Variants in KNDC1 observed in about 807,000 individuals in gnomAD.
The protein encoded by KNDC1 is kinase non-catalytic C-lobe domain-containing protein 1.
Under a neutral mutation model 172.8 loss-of-function variants are expected in KNDC1, and 106 were observed. The observed-to-expected ratio is 0.61, with a 90% CI of 0.52 to 0.72. KNDC1 has a LOEUF of 0.72. Among genes scored for constraint, KNDC1 ranks in the 30% least tolerant of loss-of-function variants. The pLI, the probability that KNDC1 is intolerant of heterozygous loss-of-function variation, is 0.00. For synonymous variants in KNDC1, 1,083 were observed against 1,062.2 expected (o/e 1.02, Z -0.38); for missense variants, 2,325 against 2,394.5 (o/e 0.97, Z 0.61).
chr10:133,207,531 G>A (rs1242453381), intron 20 of KNDC1, among the ~76,000 whole-genome samples, 180 bp downstream of exon 20: 1 of 152,262 alleles, frequency 6.6e-6, no homozygotes, highest in Non-Finnish European at 1.5e-5. Flanking sequence ...GCAGAGCCCT[G>A]GCCAGAGTGG....
At chr10:133,208,977 A>G (rs1010193434) in intron 20 of KNDC1, among the ~76,000 whole-genome samples, 23 of 151,030 alleles carry the variant, frequency 1.5e-4, no homozygotes, top group African/African-American at 5.4e-4. Flanking sequence ...ATAATGTGAC[A>G]TGTGTGCACG....
intron 26 of KNDC1, among the ~76,000 whole-genome samples, chr10:133,215,217 C>G (rs1282857780): frequency 2.0e-5 from 3 of 152,230 alleles, no homozygotes; most frequent in African/African-American, 7.2e-5. Flanking sequence ...CGAACCCCAT[C>G]ACTGCCGTCC....
At chr10:133,184,960 G>A (rs917228916) in intron 5 of KNDC1, among the ~76,000 whole-genome samples, 1 of 152,274 alleles carries the variant, frequency 6.6e-6, no homozygotes, top group Non-Finnish European at 1.5e-5. Flanking sequence ...TGTGGCTCAC[G>A]CATATTCTGG....
In KNDC1 at chr10:133,212,583, T is replaced by TCTGG. The variant is rs2136023457; in HGVS notation, c.4237-128_4237-125dup. On this transcript the variant is annotated intron_variant, in intron 23 of 29. Transcript: ENST00000304613. ...GCGGGTGGGCAGGCTGCTCTCTGGCTCTGGCTGGGCCAGTCTGAGGAGTAC... is the reference window on the plus strand; with the variant it reads ...GCGGGTGGGCAGGCTGCTCTCTGGCTCTGGCTGGCTGGGCCAGTCTGAGGAGTAC... 3 of 712,450 alleles carry TCTGG rather than the reference T, an allele frequency of 4.2e-6. No homozygotes were observed. In the South Asian group the frequency reaches 5.7e-5, roughly 13 times the overall value. 44.1% of individuals were successfully genotyped at this position (712,450 alleles called of 1,614,324 possible).
At position 133,201,734 on chromosome 10, in the gene KNDC1, G is replaced by T. The variant is rs372193402; in HGVS notation, c.3223G>T (p.Val1075Phe). 5.7e-5 allele frequency: 92 copies of T among 1,600,794 alleles called. No homozygotes were observed. Among genetic ancestry groups the T allele is most frequent in the Non-Finnish European group, 7.3e-5 (86 of 1,173,996 alleles). Reference sequence around the variant, plus strand: ...GACCCGACTGGCCAGGTCCAAAGGGGTCGGCCCAGCCTTGTCCCCCGGCCC... The same window carrying T: ...GACCCGACTGGCCAGGTCCAAAGGGTTCGGCCCAGCCTTGTCCCCCGGCCC... Reference protein sequence around the residue: ...AVTRLARSKGVGPALSPGPAG... With the variant: ...AVTRLARSKGFGPALSPGPAG... The change falls in exon 17 of 30, where the codon GTC becomes TTC. Residue 1075 changes from valine to phenylalanine, a missense_variant. By Grantham distance (50) the Val-to-Phe change is conservative (BLOSUM62 -1). Transcript: ENST00000304613.
chr10:133,169,723 GT>G (rs902221505), intron 3 of KNDC1, among the ~76,000 whole-genome samples: 83 of 151,938 alleles, frequency 5.5e-4, no homozygotes, highest in Non-Finnish European at 5.0e-4. Flanking sequence ...GCTGTGGCCT[GT>G]GGCTGTGAAC....
At position 133,183,912 on chromosome 10, in the gene KNDC1, C is replaced by T. The variant is rs573764590; in HGVS notation, c.548C>T (p.Ser183Phe). ...ALCEEKLQLTSSCRVCRSLSA... is the reference protein window; with the variant it reads ...ALCEEKLQLTFSCRVCRSLSA... ...TGTGAAGAGAAGCTGCAGCTCACAT[C>T]CTCCTGTCGCGTGTGCCGGAGCCTC... Residue 183 changes from serine to phenylalanine, a missense_variant, in exon 5 of 30, where the codon TCC (serine) becomes TTC (phenylalanine). Physicochemically the swap from Ser to Phe is radical, Grantham distance 155 (BLOSUM62 -2). Transcript: ENST00000304613. 1 of 1,602,906 alleles carries T rather than the reference C, an allele frequency of 6.2e-7. No homozygotes were observed. Among genetic ancestry groups the T allele is most frequent in the East Asian group, 2.2e-5 (1 of 44,526 alleles).
Position 133,189,806 on chromosome 10 carries a change from C to A in KNDC1, c.1568C>A (p.Thr523Asn), listed in dbSNP as rs1854029177. 6.2e-7 allele frequency: 1 copy of A among 1,613,592 alleles called. No individual in the cohort carries two copies. ...APELAEERLV[T>N]EKASVYCVAA... is the part of the protein sequence containing the mutation. Reference sequence around the variant, plus strand: ...GAGCTGGCAGAGGAGAGGCTGGTAACTGAAAAGGTACCCGGGCCCTCCCCA... The same window carrying A: ...GAGCTGGCAGAGGAGAGGCTGGTAAATGAAAAGGTACCCGGGCCCTCCCCA... The change falls in exon 9 of 30, where the codon ACT (threonine) becomes AAT (asparagine). Residue 523 changes from threonine (T) to asparagine (N), a missense_variant. Transcript: ENST00000304613.
intron 7 of KNDC1, among the ~76,000 whole-genome samples, chr10:133,189,293 T>A (rs1371946336): frequency 6.6e-6 from 1 of 152,126 alleles, no homozygotes; most frequent in Non-Finnish European, 1.5e-5. Flanking sequence ...ACGGGGCCTG[T>A]GACACGGGGG....
chr10:133,191,240 A>G (rs9418940), intron 9 of KNDC1, among the ~76,000 whole-genome samples: 13 of 51,840 alleles, frequency 2.5e-4, no homozygotes, highest in East Asian at 1.0e-3. Context: ...GTGTGGTGGC[A>G]CATGCCTGTA....
intron 3 of KNDC1, among the ~76,000 whole-genome samples, chr10:133,177,533 T>G (rs1013732966): frequency 1.8e-5 from 2 of 113,806 alleles, no homozygotes; most frequent in South Asian, 3.9e-4. Context: ...TGCATGCACA[T>G]AGTGTGTGTC....
At chr10:133,199,632 G>C in intron 15 of KNDC1, 30 bp downstream of exon 15, 1 of 1,607,636 alleles carries the variant, frequency 6.2e-7, no homozygotes, top group South Asian at 1.1e-5. Context: ...CTGCATTCCC[G>C]CCCCTCCCTG....
In KNDC1 at chr10:133,189,696, G is replaced by A. The variant is rs770073013; in HGVS notation, c.1513+27G>A. 73 of 1,613,832 alleles carry A rather than the reference G, an allele frequency of 4.5e-5. No individual in the cohort carries two copies. In the East Asian group the frequency reaches 1.2e-3, roughly 26 times the overall value. Reference sequence around the variant, plus strand: ...TGAGTGTGTGGGTTCCCCTCAGGCCGAGTCCAGCACCGGCTCGCCAGGGGT... The same window carrying A: ...TGAGTGTGTGGGTTCCCCTCAGGCCAAGTCCAGCACCGGCTCGCCAGGGGT... On this transcript the variant is annotated intron_variant, in intron 8 of 29. Transcript: ENST00000304613.
chr10:133,172,012 T>G (rs1439152525), intron 3 of KNDC1, among the ~76,000 whole-genome samples: 2 of 152,230 alleles, frequency 1.3e-5, no homozygotes, highest in African/African-American at 2.4e-5. Context: ...TTTTCCTATT[T>G]AACTGATCAA....
intron 9 of KNDC1, among the ~76,000 whole-genome samples, chr10:133,192,646 C>G (rs990560762): frequency 6.6e-6 from 1 of 152,024 alleles, no homozygotes; most frequent in Non-Finnish European, 1.5e-5. Flanking sequence ...AATTTTAGAG[C>G]TGATTTTTTA....
chr10:133,162,323 C>G (rs1189062788), intron 1 of KNDC1, among the ~76,000 whole-genome samples: 3 of 152,222 alleles, frequency 2.0e-5, no homozygotes, highest in Non-Finnish European at 4.4e-5. Context: ...CATGGGAAAA[C>G]CGTCCTGGGT....
intron 17 of KNDC1, among the ~76,000 whole-genome samples, chr10:133,203,223 GTGGGGAGCACT>G (rs1854429707): frequency 1.2e-5 from 1 of 85,202 alleles, no homozygotes; most frequent in East Asian, 3.0e-4. Flanking sequence ...ACGGCGTCCA[GTGGGGAGCACT>G]CGGCCCCCAA....
At chr10:133,175,741 C>T (rs1010270100) in intron 3 of KNDC1, among the ~76,000 whole-genome samples, 45 of 143,928 alleles carry the variant, frequency 3.1e-4, no homozygotes, top group African/African-American at 8.9e-4. Flanking sequence ...GGTGAATGGA[C>T]GGATGAGTGT....
intron 1 of KNDC1, among the ~76,000 whole-genome samples, chr10:133,162,725 C>T (rs951962090): frequency 3.9e-5 from 6 of 152,246 alleles, no homozygotes; most frequent in African/African-American, 7.2e-5. Context: ...GCAAGGACGG[C>T]GCAGCAGCTC....
Sources: gnomAD v4.1 joint callset for allele counts (sites outside exome capture counted in the v4.1 genomes callset) on GRCh38, gnomAD v4.1.1 for gene constraint, MANE v1.5 for transcripts, NCBI Gene and HGNC (gene_info 2026-07-23, HGNC 2026-07-21) for gene names.